The following MYOT variants were observed in gnomAD, a reference collection of about 807,000 sequenced individuals.
The protein encoded by MYOT is myotilin.
In MYOT, 36 loss-of-function variants were observed where a neutral mutation model predicts 58.0. The ratio of observed to expected loss-of-function variants is 0.62; its 90% confidence interval spans 0.48 to 0.82. MYOT has a LOEUF of 0.82. Ranked by LOEUF, MYOT falls within the 40% of genes least tolerant of loss-of-function variation. MYOT has a pLI of 0.00. For synonymous variants in MYOT, 218 were observed against 204.6 expected (o/e 1.07, Z -0.56); for missense variants, 505 against 592.1 (o/e 0.85, Z 1.53).
chr5:137,879,629 G>A (rs149326542), intron 4 of MYOT, among the ~76,000 whole-genome samples: 3,340 of 138,304 alleles, frequency 0.024, 130 homozygotes, highest in African/African-American at 0.087. Context: ...GGTCCATGCC[G>A]TTCTCCTGCC....
chr5:137,870,842 T>C lies in MYOT; in HGVS notation c.191T>C (p.Met64Thr). 1 of 1,614,160 alleles carries C rather than the reference T, an allele frequency of 6.2e-7. No homozygotes were observed. The highest frequency in any genetic ancestry group is 1.3e-5 in the African/African-American group (1 of 75,052). ...TCAACACTGAGCTCTCACATCACCATGTCCTCCTCTGCTTTCCCTGCTTCT... is the reference window on the plus strand; with the variant it reads ...TCAACACTGAGCTCTCACATCACCACGTCCTCCTCTGCTTTCCCTGCTTCT... ...ASSTLSSHITMSSSAFPASPQ... is the reference protein window; with the variant it reads ...ASSTLSSHITTSSSAFPASPQ... Residue 64 changes from methionine to threonine, a missense_variant, in exon 2 of 10, where the codon ATG becomes ACG. Physicochemically the swap from Met to Thr is moderately conservative, Grantham distance 81. Coordinates refer to ENST00000239926, the MANE Select transcript of MYOT (RefSeq NM_006790.3).
At chr5:137,879,516 C>CTTTTTTTT (rs34327276) in intron 4 of MYOT, among the ~76,000 whole-genome samples, 1 of 99,490 alleles carries the variant, frequency 1.0e-5, no homozygotes, top group African/African-American at 4.5e-5. Flanking sequence ...GATGGTTCAT[C>CTTTTTTTT]TTTTTTTTTT....
At chr5:137,871,067 G>T in intron 2 of MYOT, 60 bp downstream of exon 2, 1 of 1,444,056 alleles carries the variant, frequency 6.9e-7, no homozygotes. Context: ...GTTTGCGAGG[G>T]GGTAGGAGTT....
At position 137,886,171 on chromosome 5, in the gene MYOT, A is replaced by G. The variant is rs367852520; in HGVS notation, c.1148A>G (p.Lys383Arg). 2 of 1,612,336 alleles carry G rather than the reference A, an allele frequency of 1.2e-6. No homozygotes were observed. The highest frequency in any genetic ancestry group is 2.7e-5 in the African/African-American group (2 of 74,886). ...SAIPPPKLFW[K>R]RNNEMVQFNT... is the part of the protein sequence containing the mutation. Reference sequence around the variant, plus strand: ...ATACCTCCACCAAAGCTTTTCTGGAAAAGAAATAATGAAATGGTACAATTC... The same window carrying G: ...ATACCTCCACCAAAGCTTTTCTGGAGAAGAAATAATGAAATGGTACAATTC... The change falls in exon 8 of 10, where the codon AAA (lysine) becomes AGA (arginine). Residue 383 changes from lysine to arginine, a missense_variant. Coordinates refer to ENST00000239926, the MANE Select transcript of MYOT (RefSeq NM_006790.3).
intron 3 of MYOT, among the ~76,000 whole-genome samples, chr5:137,876,866 A>T (rs1051758015): frequency 6.6e-6 from 1 of 152,152 alleles, no homozygotes; most frequent in Non-Finnish European, 1.5e-5. Flanking sequence ...GAAGTATTAT[A>T]TTCAAAAACA....
chr5:137,878,953 C>T (rs550810924), intron 4 of MYOT, among the ~76,000 whole-genome samples: 1 of 152,294 alleles, frequency 6.6e-6, no homozygotes, highest in African/African-American at 2.4e-5. Flanking sequence ...AGAGATTAAA[C>T]CAGGAACACA....
intron 2 of MYOT, among the ~76,000 whole-genome samples, chr5:137,872,999 C>T (rs1236444803): frequency 1.3e-5 from 2 of 152,100 alleles, no homozygotes; most frequent in African/African-American, 2.4e-5. Context: ...TTTATCAAGT[C>T]GTAACACTTA....
chr5:137,875,403 T>C (rs1469876038), intron 2 of MYOT, among the ~76,000 whole-genome samples: 1 of 152,180 alleles, frequency 6.6e-6, no homozygotes, highest in East Asian at 1.9e-4. Context: ...GTTCACCTCT[T>C]GGGTGACAGA....
rs1437453263 is a variant in MYOT, at chr5:137,878,623, G to A, written c.633+1002G>A. On this transcript the variant is annotated intron_variant, in intron 4 of 9. Coordinates refer to ENST00000239926, the MANE Select transcript of MYOT (RefSeq NM_006790.3). Reference sequence around the variant, plus strand: ...GTGGATCACGAGGTCAAGAGATCGAGGGGATGCTGGCCAAAATGGTGAAAC... The same window carrying A: ...GTGGATCACGAGGTCAAGAGATCGAAGGGATGCTGGCCAAAATGGTGAAAC... Among the ~76,000 whole-genome samples the A allele has an allele frequency of 3.3e-5, 5 of 152,166 alleles. No homozygotes were observed. In the East Asian group the frequency reaches 5.9e-4, roughly 18 times the overall value.
chr5:137,870,313 A>ACACACG (rs1192182618), intron 1 of MYOT, 128 bp from the exon 2 acceptor site: 6 of 399,862 alleles, frequency 1.5e-5, no homozygotes, highest in Admixed American at 1.1e-4. Context: ...ACACACACAC[A>ACACACG]CACACACACA....
At position 137,877,598 on chromosome 5, in the gene MYOT, G is replaced by A; in HGVS notation, c.610G>A (p.Asp204Asn). 6.2e-7 allele frequency: 1 copy of A among 1,613,594 alleles called. No homozygotes were observed. The highest frequency in any genetic ancestry group is 8.5e-7 in the Non-Finnish European group (1 of 1,179,572). ...NAAAVFQAQD[D>N]SGAQDSQQHN... ...AGCTGCTGTGTTTCAAGCTCAGGAT[G>A]ACAGTGGTGCACAAGACTCGCAGGT... Residue 204 changes from aspartate (D) to asparagine (N), a missense_variant, in exon 4 of 10, where the codon GAC becomes AAC. Physicochemically the swap from Asp to Asn is conservative, Grantham distance 23 (BLOSUM62 1). Transcript: ENST00000239926.
rs374221793 is a variant in MYOT, at chr5:137,883,426, G to A, written c.859G>A (p.Gly287Arg). ...PAPDVSWYLNGRTVQSDDLHK... is the reference protein window; with the variant it reads ...PAPDVSWYLNRRTVQSDDLHK... ...TCCTGATGTGTCATGGTATCTAAAT[G>A]GAAGAACAGTTCAATCAGATGATTT... The change falls in exon 7 of 10, where the codon GGA becomes AGA. Residue 287 changes from glycine to arginine, a missense_variant. By Grantham distance (125) the Gly-to-Arg change is moderately radical. Coordinates refer to ENST00000239926, the MANE Select transcript of MYOT (RefSeq NM_006790.3). 16 of 1,614,066 alleles carry A rather than the reference G, an allele frequency of 9.9e-6. No homozygotes were observed. The highest frequency in any genetic ancestry group is 1.3e-5 in the African/African-American group (1 of 74,996).
rs1755616404 is a variant in MYOT at position 137,886,846 on chromosome 5, T to C, written c.1191-18T>C. 1 of 1,513,370 alleles carries C rather than the reference T, an allele frequency of 6.6e-7. No homozygotes were observed. Among genetic ancestry groups the C allele is most frequent in the East Asian group, 2.3e-5 (1 of 44,294 alleles). The allele number at this position is 1,513,370 out of a possible 1,614,324, so 93.7% of individuals were successfully genotyped here. On this transcript the variant is annotated intron_variant, in intron 8 of 9. Coordinates refer to ENST00000239926, the MANE Select transcript of MYOT (RefSeq NM_006790.3). Reference sequence around the variant, plus strand: ...AAATAATTCCTGTACTTTCATTTCTTAAAAATTTTTATTTCAGCTTATATC... The same window carrying C: ...AAATAATTCCTGTACTTTCATTTCTCAAAAATTTTTATTTCAGCTTATATC...
At position 137,870,871 on chromosome 5, in the gene MYOT, C is replaced by A. The variant is rs6890689; in HGVS notation, c.220C>A (p.Gln74Lys). The A allele has an allele frequency of 2.5e-3, 4,088 of 1,614,194 alleles. 88 individuals are homozygous for A. The African/African-American group carries it at 0.047, about 18-fold the overall frequency. Residue 74 changes from glutamine (Q) to lysine (K), a missense_variant, in exon 2 of 10, where the codon CAG becomes AAG. Coordinates refer to ENST00000239926, the MANE Select transcript of MYOT (RefSeq NM_006790.3). ...CTCCTCTGCTTTCCCTGCTTCTCCC[C>A]AGCAGCATGCTGGCTCCAACCCAGG... ...MSSSAFPASPQQHAGSNPGQR... is the reference protein window; with the variant it reads ...MSSSAFPASPKQHAGSNPGQR...
intron 1 of MYOT, 108 bp downstream of exon 1, chr5:137,868,061 C>T (rs956597254): frequency 6.6e-6 from 1 of 152,036 alleles, no homozygotes. Flanking sequence ...GTTTGAAAGC[C>T]ACAACATTAT....
chr5:137,886,936 T>C lies in MYOT; in HGVS notation c.1263T>C (p.Tyr421=). 6.2e-7 allele frequency: 1 copy of C among 1,609,854 alleles called. No homozygotes were observed. The highest frequency in any genetic ancestry group is 8.5e-7 in the Non-Finnish European group (1 of 1,176,030). The change falls in exon 9 of 10, where the codon TAT becomes TAC. Residue 421 remains tyrosine (Y), a synonymous_variant. Transcript: ENST00000239926. ...TAAACAAGAAAGATGCTGGGTGGTA[T>C]ACTGTGTCAGCAGTTAATGAAGCTG... ...KDVNKKDAGW[Y]TVSAVNEAGV...
intron 7 of MYOT, 71 bp from the exon 8 acceptor site, chr5:137,885,977 T>C (rs1755588080): frequency 9.5e-7 from 1 of 1,056,408 alleles, no homozygotes; most frequent in East Asian, 2.7e-5. Flanking sequence ...ACAAATTTCA[T>C]AATACCTTGG....
At chr5:137,880,961 A>G (rs1465896907) in intron 5 of MYOT, 96 bp downstream of exon 5, 7 of 887,900 alleles carry the variant, frequency 7.9e-6, no homozygotes, top group Non-Finnish European at 1.2e-5. Flanking sequence ...AGCCTACTCT[A>G]TACCTTTTGA....
chr5:137,880,303 C>G (rs1755384288), intron 4 of MYOT, among the ~76,000 whole-genome samples: 2 of 152,356 alleles, frequency 1.3e-5, no homozygotes, highest in African/African-American at 2.4e-5. Flanking sequence ...AAGCCTTACA[C>G]ATACCTTTCG....
Sources: allele counts gnomAD v4.1 joint callset (sites outside exome capture counted in the v4.1 genomes callset), GRCh38; gene constraint gnomAD v4.1.1; transcripts MANE v1.5; gene names NCBI Gene and HGNC (gene_info 2026-07-23, HGNC 2026-07-21).